The following GALNTL6 variants were observed in gnomAD, a reference collection of about 807,000 sequenced individuals.
GALNTL6 encodes polypeptide N-acetylgalactosaminyltransferase-like 6.
Under a neutral mutation model 73.7 loss-of-function variants are expected in GALNTL6, and 46 were observed. The observed-to-expected ratio is 0.62, with a 90% CI of 0.49 to 0.80. GALNTL6 has a LOEUF of 0.80. Ranked by LOEUF, GALNTL6 falls within the 30% of genes least tolerant of loss-of-function variation. The pLI is 0.00. For missense variants in GALNTL6, 604 were observed against 755.0 expected (o/e 0.80, Z 2.34); for synonymous variants, 259 against 263.7 (o/e 0.98, Z 0.17).
intron 2 of GALNTL6, among the ~76,000 whole-genome samples, chr4:171,969,553 A>G (rs560863563): frequency 2.4e-4 from 36 of 152,286 alleles, no homozygotes; most frequent in African/African-American, 8.4e-4. Context: ...ATAATTCTAC[A>G]TTGAAATACT....
intron 5 of GALNTL6, among the ~76,000 whole-genome samples, chr4:172,389,187 A>C (rs1279861643): frequency 2.6e-5 from 4 of 152,044 alleles, no homozygotes; most frequent in African/African-American, 9.7e-5. Flanking sequence ...ACATATTTAA[A>C]TGTTTTTCTG....
chr4:172,575,571 G>T (rs1453858574), intron 5 of GALNTL6, among the ~76,000 whole-genome samples: 1 of 152,214 alleles, frequency 6.6e-6, no homozygotes, highest in Non-Finnish European at 1.5e-5. Flanking sequence ...TGCCTCTGCT[G>T]CTGTGAGAAG....
intron 5 of GALNTL6, among the ~76,000 whole-genome samples, chr4:172,763,663 A>G (rs1387361279): frequency 6.6e-6 from 1 of 152,250 alleles, no homozygotes; most frequent in African/African-American, 2.4e-5. Flanking sequence ...CACTGAGCAC[A>G]GGTATTTGAC....
At chr4:172,016,307 C>G (rs1741191439) in intron 2 of GALNTL6, among the ~76,000 whole-genome samples, 1 of 152,008 alleles carries the variant, frequency 6.6e-6, no homozygotes, top group Admixed American at 6.6e-5. Context: ...AATTTGAAAG[C>G]CTTGTCTTCA....
At chr4:172,563,758 A>G (rs1736462545) in intron 5 of GALNTL6, among the ~76,000 whole-genome samples, 2 of 152,234 alleles carry the variant, frequency 1.3e-5, no homozygotes, top group Non-Finnish European at 2.9e-5. Flanking sequence ...TTAGAGTTCT[A>G]GGTCTGTCCA....
chr4:172,823,484 G>A (rs1404705521), intron 7 of GALNTL6, among the ~76,000 whole-genome samples: 1 of 152,202 alleles, frequency 6.6e-6, no homozygotes, highest in Non-Finnish European at 1.5e-5. Flanking sequence ...TTTATTGAAT[G>A]GATGAAATAA....
At chr4:172,155,998 T>A (rs961240780) in intron 2 of GALNTL6, among the ~76,000 whole-genome samples, 3 of 152,200 alleles carry the variant, frequency 2.0e-5, no homozygotes, top group Non-Finnish European at 4.4e-5. Flanking sequence ...AAGGCTCTTG[T>A]ATCGGTTGGA....
chr4:172,430,043 A>G (rs961539985), intron 5 of GALNTL6, among the ~76,000 whole-genome samples: 2 of 151,884 alleles, frequency 1.3e-5, no homozygotes, highest in Non-Finnish European at 2.9e-5. Flanking sequence ...CTTAGTATGA[A>G]TGCGATTTTC....
intron 2 of GALNTL6, among the ~76,000 whole-genome samples, chr4:172,083,534 G>A (rs1168642044): frequency 1.3e-5 from 2 of 152,150 alleles, no homozygotes; most frequent in African/African-American, 2.4e-5. Flanking sequence ...TTTTCTACCA[G>A]AAATAGAATT....
chr4:172,850,367 G>T (rs551452983), intron 7 of GALNTL6, among the ~76,000 whole-genome samples: 1 of 152,282 alleles, frequency 6.6e-6, no homozygotes, highest in African/African-American at 2.4e-5. Context: ...TATAGAGCAG[G>T]ATAACTATGG....
chr4:172,257,300 T>TA (rs1450720381), intron 3 of GALNTL6, among the ~76,000 whole-genome samples: 3 of 151,328 alleles, frequency 2.0e-5, no homozygotes, highest in Non-Finnish European at 4.4e-5. Context: ...CCTCCAAACT[T>TA]AAAAATGATT....
intron 3 of GALNTL6, among the ~76,000 whole-genome samples, chr4:172,248,593 C>A (rs372445561): frequency 6.6e-6 from 1 of 152,232 alleles, no homozygotes; most frequent in East Asian, 1.9e-4. Context: ...TAATAGTAAG[C>A]CACTGATATG....
At position 171,839,970 on chromosome 4, in the gene GALNTL6, T is replaced by A. The variant is rs78778128; in HGVS notation, c.138+25252T>A. Among the ~76,000 whole-genome samples, 1,175 of 152,290 alleles carry A rather than the reference T, an allele frequency of 7.7e-3. 21 individuals carry two copies. The highest frequency in any genetic ancestry group is 0.027 in the African/African-American group (1,117 of 41,562). On this transcript the variant is annotated intron_variant, in intron 2 of 12. Transcript: ENST00000506823. Reference sequence around the variant, plus strand: ...TCATCCTACTCCATTGTAATTTATTTAAGTATTTTAGTGTTTTAGAGGATT... The same window carrying A: ...TCATCCTACTCCATTGTAATTTATTAAAGTATTTTAGTGTTTTAGAGGATT...
In GALNTL6 at chr4:172,580,290, G is replaced by A. The variant is rs561738619; in HGVS notation, c.554-229071G>A. The stretch of plus-strand genomic sequence containing the variant: ...AGCACATGAAGCAAATATATAATAT[G>A]TTTGAAGAAATATACTTGGGAATTG... On this transcript the variant is annotated intron_variant, in intron 5 of 12. Transcript: ENST00000506823. 2.0e-5 allele frequency among the ~76,000 whole-genome samples: 3 copies of A among 152,196 alleles called. No individual in the cohort carries two copies. The East Asian group carries it at 5.8e-4, about 29-fold the overall frequency.
At chr4:172,705,213 A>G (rs1579366104) in intron 5 of GALNTL6, among the ~76,000 whole-genome samples, 1 of 146,346 alleles carries the variant, frequency 6.8e-6, no homozygotes, top group Admixed American at 6.8e-5. Flanking sequence ...TACTACTGCT[A>G]TTTTTTTTTT....
intron 5 of GALNTL6, among the ~76,000 whole-genome samples, chr4:172,496,480 A>G (rs1221044713): frequency 3.3e-5 from 5 of 152,116 alleles, no homozygotes. Context: ...GCTTGGGACC[A>G]GGAGTTCAAC....
chr4:172,870,180 C>A (rs1359038448), intron 7 of GALNTL6, among the ~76,000 whole-genome samples: 2 of 151,892 alleles, frequency 1.3e-5, no homozygotes, highest in Non-Finnish European at 2.9e-5. Flanking sequence ...CATAAAGAGC[C>A]TAGGAGTCAA....
intron 2 of GALNTL6, among the ~76,000 whole-genome samples, chr4:172,010,081 T>G (rs895423538): frequency 2.0e-5 from 3 of 152,138 alleles, no homozygotes; most frequent in Non-Finnish European, 4.4e-5. Flanking sequence ...TCCTACATAG[T>G]GTATTTTATT....
intron 2 of GALNTL6, among the ~76,000 whole-genome samples, chr4:172,000,250 C>T (rs1028137376): frequency 3.9e-5 from 6 of 152,010 alleles, no homozygotes; most frequent in Non-Finnish European, 5.9e-5. Flanking sequence ...TAATGAGGTC[C>T]GGCAGTATGG....
Sources: allele counts gnomAD v4.1 joint callset (sites outside exome capture counted in the v4.1 genomes callset), GRCh38; gene constraint gnomAD v4.1.1; transcripts MANE v1.5; gene names NCBI Gene and HGNC (gene_info 2026-07-23, HGNC 2026-07-21).